MKLN1: variants seen among roughly 807,000 people sequenced by gnomAD.
The protein encoded by MKLN1 is muskelin 1.
MKLN1 carries 18 observed loss-of-function variants against 99.0 expected under a neutral mutation model. The ratio of observed to expected loss-of-function variants is 0.18; its 90% CI spans 0.13 to 0.27. The LOEUF is 0.27. Ranked by LOEUF, MKLN1 falls within the 10% of genes least tolerant of loss-of-function variation. MKLN1 has a pLI of 1.00. For missense variants in MKLN1, 621 were observed against 875.9 expected (o/e 0.71, Z 3.67); for synonymous variants, 288 against 293.2 (o/e 0.98, Z 0.18).
At chr7:131,297,766 C>A (rs1178658005) in intron 3 of MKLN1, among the ~76,000 whole-genome samples, 2 of 152,140 alleles carry the variant, frequency 1.3e-5, no homozygotes, top group Non-Finnish European at 2.9e-5. Flanking sequence ...TGCGAATATG[C>A]AAATGGTACT....
chr7:131,407,686 G>GTT (rs554959871), intron 6 of MKLN1, among the ~76,000 whole-genome samples: 18 of 140,540 alleles, frequency 1.3e-4, no homozygotes, highest in Middle Eastern at 3.7e-3. Flanking sequence ...CTGAAACATG[G>GTT]TTTTTTTTTT....
chr7:131,398,694 AAAAG>A (rs1794434670), intron 5 of MKLN1, among the ~76,000 whole-genome samples: 1 of 150,662 alleles, frequency 6.6e-6, no homozygotes, highest in Non-Finnish European at 1.5e-5. Context: ...CTGTCTCAAA[AAAAG>A]AAAGAAAAAA....
chr7:131,476,327 A>G (rs1466614878), intron 16 of MKLN1, among the ~76,000 whole-genome samples: 1 of 152,168 alleles, frequency 6.6e-6, no homozygotes, highest in East Asian at 1.9e-4. Flanking sequence ...AATAAAAAAC[A>G]TATAGATTGG....
intron 1 of MKLN1, among the ~76,000 whole-genome samples, chr7:131,345,365 C>T (rs973540008): frequency 6.6e-6 from 1 of 152,180 alleles, no homozygotes; most frequent in South Asian, 2.1e-4. Context: ...CATTTCCTTG[C>T]AGTGTCATGT....
chr7:131,270,739 C>CTAATAGATATAAGG (rs1797872345), intron 3 of MKLN1, among the ~76,000 whole-genome samples: 2 of 152,026 alleles, frequency 1.3e-5, no homozygotes, highest in African/African-American at 2.4e-5. Context: ...GATATAAGGT[C>CTAATAGATATAAGG]CCTACCTTCA....
At chr7:131,381,522 A>G (rs2116865940) in intron 2 of MKLN1, among the ~76,000 whole-genome samples, 1 of 152,310 alleles carries the variant, frequency 6.6e-6, no homozygotes, top group East Asian at 1.9e-4. Context: ...TGTTTATACA[A>G]ATTACAAATA....
chr7:131,356,139 C>T lies in MKLN1; in HGVS notation c.99-19285C>T, dbSNP rs529634290. On this transcript the variant is annotated intron_variant, in intron 1 of 17. Coordinates refer to ENST00000352689, the MANE Select transcript of MKLN1 (RefSeq NM_013255.5). ...ACAACTTGGAAGAGGGCCAAGCAAGCGACTTGAGAAACCGGCAGCTTGACC... is the reference window on the plus strand; with the variant it reads ...ACAACTTGGAAGAGGGCCAAGCAAGTGACTTGAGAAACCGGCAGCTTGACC... Among the ~76,000 whole-genome samples the T allele has an allele frequency of 2.7e-5, 4 of 148,252 alleles. No homozygotes were observed. In the East Asian group the frequency reaches 7.9e-4, roughly 29 times the overall value.
At chr7:131,313,337 A>C (rs1372603513) in intron 3 of MKLN1, among the ~76,000 whole-genome samples, 1 of 152,220 alleles carries the variant, frequency 6.6e-6, no homozygotes, top group Non-Finnish European at 1.5e-5. Context: ...ACAGACACAG[A>C]TAATGACTTC....
chr7:131,424,682 G>T (rs1198655671), intron 8 of MKLN1, among the ~76,000 whole-genome samples: 2 of 152,088 alleles, frequency 1.3e-5, no homozygotes, highest in African/African-American at 4.8e-5. Context: ...CAAAGAATGT[G>T]GTTGAATTTT....
chr7:131,377,468 T>A (rs1793699375), intron 2 of MKLN1, among the ~76,000 whole-genome samples: 1 of 152,206 alleles, frequency 6.6e-6, no homozygotes, highest in South Asian at 2.1e-4. Context: ...CATTGTGTTT[T>A]TAATCACGCT....
intron 3 of MKLN1, among the ~76,000 whole-genome samples, chr7:131,294,886 C>G (rs1288334270): frequency 6.6e-6 from 1 of 152,156 alleles, no homozygotes; most frequent in African/African-American, 2.4e-5. Flanking sequence ...AAAAGAGACC[C>G]AAAGAAGGAC....
chr7:131,118,470 T>G (rs1164415137), intron 1 of MKLN1, among the ~76,000 whole-genome samples: 1 of 151,940 alleles, frequency 6.6e-6, no homozygotes, highest in East Asian at 1.9e-4. Flanking sequence ...AGAGAATCGC[T>G]TGAACCTGGG....
chr7:131,197,825 G>A lies in MKLN1; in HGVS notation c.-296-5032G>A, dbSNP rs77180443. Reference sequence around the variant, plus strand: ...AGTGATTTCTAATCTAATACTGCCAGCATTTTAAAAATCAGCATGTTTTTT... The same window carrying A: ...AGTGATTTCTAATCTAATACTGCCAACATTTTAAAAATCAGCATGTTTTTT... On this transcript the variant is annotated intron_variant, in intron 2 of 7. Transcript: ENST00000416992. Among the ~76,000 whole-genome samples the A allele has an allele frequency of 8.8e-3, 1,336 of 151,740 alleles. 9 individuals carry two copies. The highest frequency in any genetic ancestry group is 0.014 in the Non-Finnish European group (930 of 67,918).
At chr7:131,237,656 C>T (rs1161737943) in intron 3 of MKLN1, among the ~76,000 whole-genome samples, 2 of 152,034 alleles carry the variant, frequency 1.3e-5, no homozygotes, top group East Asian at 1.9e-4. Flanking sequence ...GTGTGTGCCA[C>T]GTTTATGATA....
chr7:131,314,511 G>C (rs34383752), intron 3 of MKLN1, among the ~76,000 whole-genome samples: 68,553 of 151,846 alleles, frequency 0.45, 16,911 homozygotes, highest in Admixed American at 0.59. Flanking sequence ...CAAGCTCCGC[G>C]TCCCAGGTTC....
In MKLN1 at chr7:131,116,436, C is replaced by T. The variant is rs562862886; in HGVS notation, c.-419+6229C>T. On this transcript the variant is annotated intron_variant, in intron 1 of 7. Coordinates refer to the MKLN1 transcript ENST00000416992. ...TCACAAGGCTGTTAGGAAAATGAAA[C>T]GAAATGGAATAGGTATAGGCATAAG... is the stretch of plus-strand genomic sequence containing the variant. Among the ~76,000 whole-genome samples, 14 of 151,890 alleles carry T rather than the reference C, an allele frequency of 9.2e-5. No individual in the cohort carries two copies. In the East Asian group the frequency reaches 1.5e-3, roughly 17 times the overall value.
intron 3 of MKLN1, among the ~76,000 whole-genome samples, chr7:131,216,650 A>T (rs1796987017): frequency 6.6e-6 from 1 of 152,196 alleles, no homozygotes; most frequent in Admixed American, 6.5e-5. Flanking sequence ...TGCAGTAATT[A>T]TCACCAAACA....
chr7:131,336,750 T>G (rs1242102470), intron 1 of MKLN1, among the ~76,000 whole-genome samples: 1 of 152,144 alleles, frequency 6.6e-6, no homozygotes, highest in Non-Finnish European at 1.5e-5. Context: ...GCTTTTATGT[T>G]GTCATTGTCA....
intron 2 of MKLN1, among the ~76,000 whole-genome samples, chr7:131,156,404 C>T (rs755840239): frequency 1.1e-4 from 16 of 143,248 alleles, no homozygotes; most frequent in Non-Finnish European, 2.1e-4. Context: ...GGCGAGATCG[C>T]GCCACTGCAC....
Sources: gnomAD v4.1 joint callset for allele counts (sites outside exome capture counted in the v4.1 genomes callset) on GRCh38, gnomAD v4.1.1 for gene constraint, MANE v1.5 for transcripts, NCBI Gene and HGNC (gene_info 2026-07-23, HGNC 2026-07-21) for gene names.